The following SLC7A5 variants were observed in gnomAD, a reference collection of about 807,000 sequenced individuals.
SLC7A5 encodes the protein solute carrier family 7 member 5, also known as large neutral amino acids transporter small subunit 1.
A neutral mutation model predicts 50.2 loss-of-function variants in SLC7A5; 23 were observed. The ratio of observed to expected loss-of-function variants is 0.46; its 90% confidence interval spans 0.33 to 0.65. The LOEUF (loss-of-function observed/expected upper bound fraction) is 0.65. Ranked by LOEUF, SLC7A5 falls within the 30% of genes least tolerant of loss-of-function variation. The pLI is 0.02. For missense variants in SLC7A5, 578 were observed against 684.4 expected (o/e 0.84, Z 1.73); for synonymous variants, 393 against 330.6 (o/e 1.19, Z -2.05).
intron 2 of SLC7A5, among the ~76,000 whole-genome samples, chr16:87,848,017 C>T (rs766664626): frequency 5.9e-5 from 9 of 152,186 alleles, no homozygotes; most frequent in Non-Finnish European, 1.2e-4. Flanking sequence ...GCCATTCAGC[C>T]GGGGTCTGAG....
At chr16:87,856,614 C>G (rs2055324558) in intron 1 of SLC7A5, among the ~76,000 whole-genome samples, 1 of 152,240 alleles carries the variant, frequency 6.6e-6, no homozygotes, top group Admixed American at 6.5e-5. Context: ...CCCTCTGCAG[C>G]TGGCTGGGGC....
chr16:87,856,535 G>A (rs1332917017), intron 1 of SLC7A5, among the ~76,000 whole-genome samples: 1 of 152,230 alleles, frequency 6.6e-6, no homozygotes, highest in Non-Finnish European at 1.5e-5. Flanking sequence ...GTCCCGCCCA[G>A]TGCAGCCTGT....
chr16:87,836,490 G>A lies in SLC7A5; in HGVS notation c.1290+8C>T, dbSNP rs758460602. 5.3e-5 allele frequency: 85 copies of A among 1,608,834 alleles called. No individual in the cohort carries two copies. The highest frequency in any genetic ancestry group is 1.6e-4 in the Middle Eastern group (1 of 6,082). On this transcript the variant is annotated splice_region_variant and intron_variant, in intron 8 of 9. Transcript: ENST00000261622. ...GGTGCCTGGGTGAGCGGGAGGCCCC[G>A]GGCTCACCTTGATGGGCCGCTCAAG... is the stretch of plus-strand genomic sequence containing the variant.
rs553326865 is a variant in SLC7A5 at position 87,835,743 on chromosome 16, G to A, written c.1290+755C>T. ...CCCGCCTCGGCCTCCCAAAGTGCTG[G>A]GATTACAGGCGTGAGCCACCGCGCC... On this transcript the variant is annotated intron_variant, in intron 8 of 9. Transcript: ENST00000261622. Among the ~76,000 whole-genome samples, 241 of 152,268 alleles carry A rather than the reference G, an allele frequency of 1.6e-3. 1 individual carries two copies. The highest frequency in any genetic ancestry group is 5.7e-3 in the African/African-American group (237 of 41,554).
At position 87,832,985 on chromosome 16, in the gene SLC7A5, G is replaced by T; in HGVS notation, c.1509C>A (p.Val503=). ...GGCCTCCTGGCTATGTCTCCTGGGG[G>T]ACCACCTGCATGAGCTTCTGACACA... The part of the protein sequence containing the change: ...TVLCQKLMQV[V]PQET The change falls in exon 10 of 10, where the codon GTC becomes GTA. Residue 503 remains valine, a synonymous_variant. Coordinates refer to ENST00000261622, the MANE Select transcript of SLC7A5 (RefSeq NM_003486.7). This position sits in a 1 kb window ranked among gnomAD's most constrained non-coding sequence, Gnocchi z 4.6. 1 of 1,613,840 alleles carries T rather than the reference G, an allele frequency of 6.2e-7. No individual in the cohort carries two copies. Among genetic ancestry groups the T allele is most frequent in the South Asian group, 1.1e-5 (1 of 91,074 alleles).
chr16:87,840,492 C>A lies in SLC7A5; in HGVS notation c.771-19G>T. 1 of 1,583,324 alleles carries A rather than the reference C, an allele frequency of 6.3e-7. No homozygotes were observed. Among genetic ancestry groups the A allele is most frequent in the Non-Finnish European group, 8.6e-7 (1 of 1,156,958 alleles). ...GTAATTCCTAAAATTTAGAGAACAG[C>A]GTTCAAATTATATGATCCTCATCAG... On this transcript the variant is annotated intron_variant, in intron 3 of 9. Coordinates refer to ENST00000261622, the MANE Select transcript of SLC7A5 (RefSeq NM_003486.7).
rs1164304597 is a variant in SLC7A5 at position 87,834,433 on chromosome 16, C to T, written c.1449G>A (p.Lys483=). 6.4e-6 allele frequency: 10 copies of T among 1,556,110 alleles called. No homozygotes were observed. Among genetic ancestry groups the T allele is most frequent in the Middle Eastern group, 1.7e-4 (1 of 6,016 alleles). Residue 483 remains lysine (K), a synonymous_variant, in exon 9 of 10, where the codon AAG becomes AAA. Transcript: ENST00000261622. ...FFGVWWKNKP[K]WLLQGIFSTT... ...ACTCACAGATGCCCTGGAGGAGCCA[C>T]TTGGGCTTGTTTTTCCACCAGACCC... is the stretch of plus-strand genomic sequence containing the variant.
intron 9 of SLC7A5, among the ~76,000 whole-genome samples, chr16:87,834,062 C>T (rs1018820772): frequency 6.6e-6 from 1 of 152,128 alleles, no homozygotes; most frequent in African/African-American, 2.4e-5. Context: ...CCATGTTGGC[C>T]AGGCTGGTCT....
Position 87,852,636 on chromosome 16 carries a change from CTCTGTGTGTGTGTGTG to C in SLC7A5, c.539-803_539-788del, listed in dbSNP as rs1160129074. Among the ~76,000 whole-genome samples the C allele has an allele frequency of 3.5e-3, 344 of 97,498 alleles. 2 individuals carry two copies. The highest frequency in any genetic ancestry group is 0.013 in the African/African-American group (341 of 26,696). The allele number at this position is 97,498 out of a possible 152,430, so 64.0% of individuals were successfully genotyped here. A position where few individuals can be genotyped will look rare whatever the true frequency, so the allele number is the denominator to read the frequency against. ...CCCTGTAAGGCACCCAGCTCTGAGCCTCTGTGTGTGTGTGTGTGTGTGTGTGTGTGTGTGTGTGTGT... is the reference window on the plus strand; with the variant it reads ...CCCTGTAAGGCACCCAGCTCTGAGCCTGTGTGTGTGTGTGTGTGTGTGTGT... On this transcript the variant is annotated intron_variant, in intron 1 of 9. Transcript: ENST00000261622. This position sits in a 1 kb window ranked among gnomAD's most constrained non-coding sequence, Gnocchi z 4.5.
At position 87,868,902 on chromosome 16, in the gene SLC7A5, A is replaced by G. The variant is rs1397184995; in HGVS notation, c.521T>C (p.Val174Ala). The G allele has an allele frequency of 6.2e-7, 1 of 1,608,714 alleles. No individual in the cohort carries two copies. The highest frequency in any genetic ancestry group is 1.7e-5 in the Admixed American group (1 of 59,504). Residue 174 changes from valine to alanine, a missense_variant, in exon 1 of 10, where the codon GTG becomes GCG. Coordinates refer to ENST00000261622, the MANE Select transcript of SLC7A5 (RefSeq NM_003486.7). ...GTACTCACGCACGCAGAGGCAGGCC[A>G]CGAGCTTGGCTGCCTCCTCGGGCAC... Reference protein sequence around the residue: ...CPVPEEAAKLVACLCVLLLTA... With the variant: ...CPVPEEAAKLAACLCVLLLTA...
intron 7 of SLC7A5, chr16:87,837,336 G>C (rs2055019988): frequency 5.1e-6 from 1 of 194,626 alleles, no homozygotes. Context: ...CCTACGATGA[G>C]AACACAGCTT....
intron 1 of SLC7A5, among the ~76,000 whole-genome samples, chr16:87,864,269 A>G (rs7203211): frequency 0.23 from 35,208 of 151,404 alleles, 5,546 homozygotes; most frequent in African/African-American, 0.45. Context: ...TCCAGCCTGG[A>G]CAAAAAGAGC....
At position 87,862,222 on chromosome 16, in the gene SLC7A5, G is replaced by C. The variant is rs531328923; in HGVS notation, c.538+6663C>G. 5.9e-5 allele frequency among the ~76,000 whole-genome samples: 9 copies of C among 152,216 alleles called. No homozygotes were observed. In the South Asian group the frequency reaches 1.2e-3, roughly 21 times the overall value. ...CAGGTGCTGGATACCCCAGCGGTTG[G>C]GGGGGTGGTGCTGGACACCCAGGGG... On this transcript the variant is annotated intron_variant, in intron 1 of 9. Coordinates refer to ENST00000261622, the MANE Select transcript of SLC7A5 (RefSeq NM_003486.7). The surrounding 1 kb of genome is among the most constrained non-coding windows in gnomAD (Gnocchi z 5.3).
chr16:87,862,681 G>A lies in SLC7A5; in HGVS notation c.538+6204C>T, dbSNP rs181866294. ...GCACGTGGAGGGACGGTCACAGCCC[G>A]TGCAACTGGCACCTTCACACGCAGA... On this transcript the variant is annotated intron_variant, in intron 1 of 9. Coordinates refer to ENST00000261622, the MANE Select transcript of SLC7A5 (RefSeq NM_003486.7). The surrounding 1 kb of genome is among the most constrained non-coding windows in gnomAD (Gnocchi z 5.3). Among the ~76,000 whole-genome samples the A allele has an allele frequency of 9.8e-5, 15 of 152,354 alleles. No homozygotes were observed. The highest frequency in any genetic ancestry group is 3.4e-4 in the African/African-American group (14 of 41,586).
intron 1 of SLC7A5, among the ~76,000 whole-genome samples, chr16:87,865,850 G>A (rs139575423): frequency 2.6e-5 from 4 of 152,264 alleles, no homozygotes; most frequent in East Asian, 1.9e-4. Context: ...CGCCGGGTGC[G>A]ATGGCTCATG....
intron 2 of SLC7A5, among the ~76,000 whole-genome samples, chr16:87,850,120 G>A (rs951251812): frequency 6.6e-6 from 1 of 152,180 alleles, no homozygotes; most frequent in Non-Finnish European, 1.5e-5. Flanking sequence ...GCCAGACTTT[G>A]TCCTAAGGCG....
At chr16:87,851,600 C>A in intron 2 of SLC7A5, 124 bp downstream of exon 2, 4 of 1,223,458 alleles carry the variant, frequency 3.3e-6, no homozygotes, top group Non-Finnish European at 4.5e-6. Flanking sequence ...GGGAAATCTC[C>A]ACGTTGTACA....
Position 87,830,909 on chromosome 16 carries a change from A to T in SLC7A5, c.*2061T>A, listed in dbSNP as rs1217532737. 1.3e-5 allele frequency: 2 copies of T among 152,084 alleles called. No individual in the cohort carries two copies. Among genetic ancestry groups the T allele is most frequent in the Non-Finnish European group, 2.9e-5 (2 of 68,054 alleles). The allele number at this position is 152,084 out of a possible 1,614,324, so 9.4% of individuals were successfully genotyped here. On this transcript the variant is annotated 3_prime_UTR_variant, in exon 10 of 10. Coordinates refer to ENST00000261622, the MANE Select transcript of SLC7A5 (RefSeq NM_003486.7). ...GTTGGAACAGAACGGCATCCCGAGG[A>T]CCCCTAGCCGAGGCGGGAAGGTAAG...
At chr16:87,858,428 G>A (rs2055347370) in intron 1 of SLC7A5, among the ~76,000 whole-genome samples, 1 of 152,192 alleles carries the variant, frequency 6.6e-6, no homozygotes. Flanking sequence ...GGAAACCCAC[G>A]CCCCACTCCA....
Sources: allele counts gnomAD v4.1 joint callset (sites outside exome capture counted in the v4.1 genomes callset), GRCh38; gene constraint gnomAD v4.1.1; non-coding constraint Gnocchi (gnomAD v3.1); transcripts MANE v1.5; gene names NCBI Gene and HGNC (gene_info 2026-07-23, HGNC 2026-07-21).